RABGAP1L: variants seen among roughly 807,000 people sequenced by gnomAD.
The protein encoded by RABGAP1L is RAB GTPase activating protein 1 like, also known as rab GTPase-activating protein 1-like.
Under a neutral mutation model 137.7 loss-of-function variants are expected in RABGAP1L, and 63 were observed. That is an observed-to-expected ratio of 0.46 (90% CI 0.37 to 0.56). The LOEUF (loss-of-function observed/expected upper bound fraction) is 0.56, where lower values mean the gene tolerates loss of function less well. Among genes scored for constraint, RABGAP1L ranks in the 20% least tolerant of loss-of-function variants. The probability of loss-of-function intolerance (pLI) is 0.00; values close to 1 mark genes in which losing one functional copy is unlikely to be tolerated. For synonymous variants in RABGAP1L, 431 were observed against 433.7 expected (o/e 0.99, Z 0.08); for missense variants, 1,095 against 1,244.0 (o/e 0.88, Z 1.80).
chr1:174,635,838 G>C (rs1305806079), intron 13 of RABGAP1L, among the ~76,000 whole-genome samples: 8 of 152,140 alleles, frequency 5.3e-5, no homozygotes, highest in South Asian at 2.1e-4. Flanking sequence ...AAGGGTAGTG[G>C]CTTACCTTAG....
chr1:174,785,834 A>G (rs1264425750), intron 18 of RABGAP1L, among the ~76,000 whole-genome samples: 1 of 152,192 alleles, frequency 6.6e-6, no homozygotes, highest in Non-Finnish European at 1.5e-5. Context: ...ATGCTTATAT[A>G]TTAGACTTTT....
intron 17 of RABGAP1L, among the ~76,000 whole-genome samples, chr1:174,706,146 A>G (rs986703756): frequency 1.3e-5 from 2 of 152,190 alleles, no homozygotes; most frequent in Non-Finnish European, 2.9e-5. Context: ...ATTATTTTAA[A>G]GATTTCTTCA....
chr1:174,487,813 C>T (rs1198836278), intron 13 of RABGAP1L, among the ~76,000 whole-genome samples: 8 of 151,748 alleles, frequency 5.3e-5, no homozygotes, highest in East Asian at 1.9e-4. Context: ...TTGAGGTTAC[C>T]GTGAGACTTG....
chr1:174,250,512 A>G lies in RABGAP1L; in HGVS notation c.755A>G (p.Lys252Arg), dbSNP rs148341321. 305 of 1,613,674 alleles carry G rather than the reference A, an allele frequency of 1.9e-4. No individual in the cohort carries two copies. The highest frequency in any genetic ancestry group is 2.2e-4 in the Non-Finnish European group (262 of 1,179,692). ...RILYSFCTAF[K>R]RSSRQVSDVK... is the part of the protein sequence containing the mutation. The stretch of plus-strand genomic sequence containing the variant: ...TTGTACAGTTTCTGTACAGCATTCA[A>G]ACGTTCTTCCAGACAAGTGTCTGAT... Residue 252 changes from lysine (K) to arginine (R), a missense_variant, in exon 6 of 26, where the codon AAA (lysine) becomes AGA (arginine). Coordinates refer to ENST00000681986, the MANE Select transcript of RABGAP1L (RefSeq NM_001366446.1).
intron 1 of RABGAP1L, among the ~76,000 whole-genome samples, chr1:174,162,070 A>G (rs1277592475): frequency 6.7e-6 from 1 of 149,804 alleles, no homozygotes; most frequent in Non-Finnish European, 1.5e-5. Context: ...ATTTGATGGG[A>G]ATTTCTATAT....
intron 11 of RABGAP1L, among the ~76,000 whole-genome samples, chr1:174,354,407 T>C (rs1420954452): frequency 1.3e-5 from 2 of 152,194 alleles, no homozygotes; most frequent in African/African-American, 4.8e-5. Context: ...TTGAATAATA[T>C]GTTTAAAACT....
intron 11 of RABGAP1L, among the ~76,000 whole-genome samples, chr1:174,306,394 G>A (rs1678250501): frequency 6.6e-6 from 1 of 152,170 alleles, no homozygotes; most frequent in Non-Finnish European, 1.5e-5. Flanking sequence ...GTGTAAAAGT[G>A]TTCCTATTTC....
chr1:174,167,486 C>G (rs1281112602), intron 1 of RABGAP1L, among the ~76,000 whole-genome samples: 3 of 152,174 alleles, frequency 2.0e-5, no homozygotes, highest in African/African-American at 7.2e-5. Flanking sequence ...AACAAGTGTT[C>G]TAGCTCTTTG....
rs573718844 is a variant in RABGAP1L, at chr1:174,943,451, A to ATTAG, written c.2341-14004_2341-14001dup. ...GAAGCAATAAAAATTAGAGCCATGTATTAGTATCCCTCCACATTTTCTTCT... is the reference window on the plus strand; with the variant it reads ...GAAGCAATAAAAATTAGAGCCATGTATTAGTTAGTATCCCTCCACATTTTCTTCT... On this transcript the variant is annotated intron_variant, in intron 19 of 25. Transcript: ENST00000681986. Among the ~76,000 whole-genome samples, 226 of 152,314 alleles carry ATTAG rather than the reference A, an allele frequency of 1.5e-3. 1 individual carries two copies. Among genetic ancestry groups the ATTAG allele is most frequent in the South Asian group, 4.1e-3 (20 of 4,828 alleles).
intron 5 of RABGAP1L, among the ~76,000 whole-genome samples, chr1:174,247,064 A>G (rs1047045806): frequency 6.6e-6 from 1 of 152,136 alleles, no homozygotes; most frequent in African/African-American, 2.4e-5. Context: ...ACTCTGGCTC[A>G]GCTCCATACG....
At chr1:174,399,527 A>AT (rs1648293948) in intron 13 of RABGAP1L, among the ~76,000 whole-genome samples, 1 of 152,194 alleles carries the variant, frequency 6.6e-6, no homozygotes, top group South Asian at 2.1e-4. Context: ...AAATTGCTTT[A>AT]TAAAAACCCT....
At chr1:174,781,577 C>T (rs1194393191) in intron 18 of RABGAP1L, among the ~76,000 whole-genome samples, 1 of 152,132 alleles carries the variant, frequency 6.6e-6, no homozygotes, top group African/African-American at 2.4e-5. Flanking sequence ...TTAATTAGAT[C>T]CCATCTGTCA....
intron 12 of RABGAP1L, among the ~76,000 whole-genome samples, chr1:174,386,790 A>C (rs1806329): frequency 6.6e-6 from 1 of 151,922 alleles, no homozygotes; most frequent in African/African-American, 2.4e-5. Flanking sequence ...TACAGGTGTG[A>C]GCCACCGCAC....
intron 20 of RABGAP1L, among the ~76,000 whole-genome samples, chr1:174,960,201 A>T (rs997358309): frequency 6.6e-6 from 1 of 152,186 alleles, no homozygotes; most frequent in Non-Finnish European, 1.5e-5. Flanking sequence ...TAAAGCCCAC[A>T]TATGTTATAT....
Position 174,277,772 on chromosome 1 carries a change from G to T in RABGAP1L, c.1157-841G>T, listed in dbSNP as rs10465509. ...CCAGTTGAATGTTATATTCTGTCTTGTGTTATTACTCCTTACTCCTTTCTC... is the reference window on the plus strand; with the variant it reads ...CCAGTTGAATGTTATATTCTGTCTTTTGTTATTACTCCTTACTCCTTTCTC... On this transcript the variant is annotated intron_variant, in intron 9 of 25. Coordinates refer to ENST00000681986, the MANE Select transcript of RABGAP1L (RefSeq NM_001366446.1). 9.5e-3 allele frequency among the ~76,000 whole-genome samples: 1,447 copies of T among 152,080 alleles called. 24 individuals are homozygous for T. Among genetic ancestry groups the T allele is most frequent in the African/African-American group, 0.033 (1,388 of 41,478 alleles).
chr1:174,510,860 A>G (rs1255213072), intron 13 of RABGAP1L, among the ~76,000 whole-genome samples: 4 of 152,218 alleles, frequency 2.6e-5, no homozygotes, highest in South Asian at 2.1e-4. Context: ...TTATATACTA[A>G]TTAGTTGATT....
intron 1 of RABGAP1L, among the ~76,000 whole-genome samples, chr1:174,168,715 G>A (rs756505668): frequency 6.6e-6 from 1 of 152,060 alleles, no homozygotes; most frequent in Non-Finnish European, 1.5e-5. Flanking sequence ...AAGTTAATGG[G>A]GAAATGAAAT....
chr1:174,781,699 G>T (rs1215862211), intron 18 of RABGAP1L, among the ~76,000 whole-genome samples: 3 of 152,068 alleles, frequency 2.0e-5, no homozygotes, highest in South Asian at 2.1e-4. Flanking sequence ...TATGGTTTTA[G>T]GTCTAATATT....
chr1:174,560,612 A>G (rs1473607376), intron 13 of RABGAP1L, among the ~76,000 whole-genome samples: 1 of 152,146 alleles, frequency 6.6e-6, no homozygotes, highest in African/African-American at 2.4e-5. Flanking sequence ...AGATTGTTAC[A>G]TGAGTAAATT....
Sources: allele counts gnomAD v4.1 joint callset (sites outside exome capture counted in the v4.1 genomes callset), GRCh38; gene constraint gnomAD v4.1.1; transcripts MANE v1.5; gene names NCBI Gene and HGNC (gene_info 2026-07-23, HGNC 2026-07-21).